Variants in MAP3K5 observed in about 807,000 individuals in gnomAD.
MAP3K5 encodes the protein mitogen-activated protein kinase kinase kinase 5.
In MAP3K5, 56 loss-of-function variants were observed where a neutral mutation model predicts 158.7. That is an observed-to-expected ratio of 0.35 (90% confidence interval 0.28 to 0.44). The LOEUF (loss-of-function observed/expected upper bound fraction) is 0.44, where lower values mean the gene tolerates loss of function less well. Among genes scored for constraint, MAP3K5 ranks in the 20% least tolerant of loss-of-function variants. MAP3K5 has a pLI of 1.00. For missense variants in MAP3K5, 1,294 were observed against 1,674.8 expected, an observed-to-expected ratio of 0.77 and a Z score of 3.97; for synonymous variants, 579 against 601.7, an observed-to-expected ratio of 0.96 and a Z score of 0.55.
rs1037101700 is a variant in MAP3K5 at position 136,788,786 on chromosome 6, T to C, written c.448+2924A>G. ...CGAGGCTGCAGAGAAAAGGGAACAC[T>C]TACACACTGTTGGTGAGAATGTAAA... On this transcript the variant is annotated intron_variant, in intron 1 of 29. Transcript: ENST00000359015. Among the ~76,000 whole-genome samples, 15 of 152,194 alleles carry C rather than the reference T, an allele frequency of 9.9e-5. 1 individual carries two copies. The highest frequency in any genetic ancestry group is 1.5e-5 in the Non-Finnish European group (1 of 68,048).
Position 136,592,589 on chromosome 6 carries a change from C to T in MAP3K5, c.2904G>A (p.Pro968=), listed in dbSNP as rs749467328. The T allele has an allele frequency of 1.2e-5, 20 of 1,613,574 alleles. No individual in the cohort carries two copies. Among genetic ancestry groups the T allele is most frequent in the East Asian group, 8.9e-5 (4 of 44,860 alleles). Residue 968 remains proline (P), a synonymous_variant, in exon 22 of 30, where the codon CCG becomes CCA. Transcript: ENST00000359015. ...TGGTGTCCTCCACCAGCACAGGTAC[C>T]GGCAAGGATATACTCCTGAGATATT... The part of the protein sequence containing the change: ...SNEYLRSISL[P]VPVLVEDTSS...
Position 136,622,947 on chromosome 6 carries a change from ACT to A in MAP3K5, c.2049_2050del (p.Arg683SerfsTer26). ...CCCATAAGTGCCTTTTCCTAAAACGACTCTGTCACCATTTTCATCATATTCAT... is the reference window on the plus strand; with the variant it reads ...CCCATAAGTGCCTTTTCCTAAAACGACTGTCACCATTTTCATCATATTCAT... On this transcript the variant is annotated frameshift_variant, in exon 15 of 30. Transcript: ENST00000359015. LOFTEE classifies it high-confidence loss of function. 6.2e-7 allele frequency: 1 copy of A among 1,613,900 alleles called. No individual in the cohort carries two copies. The highest frequency in any genetic ancestry group is 8.5e-7 in the Non-Finnish European group (1 of 1,179,874).
At chr6:136,747,925 A>G (rs1156684036) in intron 1 of MAP3K5, among the ~76,000 whole-genome samples, 1 of 152,236 alleles carries the variant, frequency 6.6e-6, no homozygotes, top group Non-Finnish European at 1.5e-5. Flanking sequence ...ACTTTAGCCA[A>G]CAGGGAAAAT....
intron 26 of MAP3K5, 78 bp from the exon 27 acceptor site, chr6:136,562,693 A>G (rs1830569508): frequency 2.8e-6 from 2 of 717,694 alleles, no homozygotes; most frequent in Non-Finnish European, 4.6e-6. Flanking sequence ...TTTTTTAGAT[A>G]CAAGGTCTCT....
rs562738828 is a variant in MAP3K5, at chr6:136,709,192, CCTGA to C, written c.589-4063_589-4060del. Among the ~76,000 whole-genome samples the C allele has an allele frequency of 1.8e-3, 272 of 152,278 alleles. 3 individuals are homozygous for C. The highest frequency in any genetic ancestry group is 6.1e-3 in the African/African-American group (254 of 41,538). ...CCATGTATTTTATTCATATTTGTAT[CCTGA>C]CTGACTGTCTAGCAAATGTCATGAC... On this transcript the variant is annotated intron_variant, in intron 2 of 29. Coordinates refer to ENST00000359015, the MANE Select transcript of MAP3K5 (RefSeq NM_005923.4).
rs1428622156 is a variant in MAP3K5, at chr6:136,558,855, G to T, written c.4009C>A (p.Leu1337Ile). Residue 1337 changes from leucine (L) to isoleucine (I), a missense_variant, in exon 29 of 30, where the codon CTA becomes ATA. Coordinates refer to ENST00000359015, the MANE Select transcript of MAP3K5 (RefSeq NM_005923.4). ...ISRFLAEDYT[L>I]LDVLYYVTRD... is the part of the protein sequence containing the mutation. ...GTAACATAGTAGAGAACATCCAATAGTGTATAATCTTCAGCCAAAAACTGT... is the reference window on the plus strand; with the variant it reads ...GTAACATAGTAGAGAACATCCAATATTGTATAATCTTCAGCCAAAAACTGT... The T allele has an allele frequency of 1.9e-6, 3 of 1,599,824 alleles. No individual in the cohort carries two copies. The highest frequency in any genetic ancestry group is 2.6e-6 in the Non-Finnish European group (3 of 1,168,148).
chr6:136,557,915 T>C, intron 29 of MAP3K5, 97 bp from the exon 30 acceptor site: 1 of 817,852 alleles, frequency 1.2e-6, no homozygotes, highest in Non-Finnish European at 2.2e-6. Context: ...TCTGCTCTGG[T>C]CAGAAGAAGA....
intron 25 of MAP3K5, among the ~76,000 whole-genome samples, chr6:136,575,490 T>G (rs1270901428): frequency 6.6e-6 from 1 of 152,218 alleles, no homozygotes; most frequent in African/African-American, 2.4e-5. Context: ...AACTAATCTA[T>G]GGACATTATT....
At chr6:136,659,414 C>A (rs1466211026) in intron 8 of MAP3K5, 36 bp from the exon 9 acceptor site, 2 of 1,595,008 alleles carry the variant, frequency 1.3e-6, no homozygotes, top group Non-Finnish European at 1.7e-6. Context: ...GTTACAAATG[C>A]ACCCCACACA....
intron 11 of MAP3K5, among the ~76,000 whole-genome samples, chr6:136,644,104 G>A (rs947058236): frequency 1.3e-5 from 2 of 152,176 alleles, no homozygotes; most frequent in Non-Finnish European, 2.9e-5. Context: ...TAACAAGACA[G>A]CACTGGTAAA....
chr6:136,626,932 C>T (rs143559570), intron 14 of MAP3K5, among the ~76,000 whole-genome samples: 1 of 152,188 alleles, frequency 6.6e-6, no homozygotes, highest in Non-Finnish European at 1.5e-5. Flanking sequence ...TTGTGAGATT[C>T]CAGATTTTGT....
intron 23 of MAP3K5, among the ~76,000 whole-genome samples, chr6:136,585,469 T>TTTTCTTTTCTCTTTCTTTCTTTCTTTC (rs35799129): frequency 7.6e-6 from 1 of 131,426 alleles, no homozygotes; most frequent in East Asian, 2.5e-4. Context: ...CTTTCTTTTC[T>TTTTCTTTTCTCTTTCTTTCTTTCTTTC]TTTCTTTATT....
upstream of MAP3K5, among the ~76,000 whole-genome samples, chr6:136,792,761 T>TGCCTG (rs142094809): frequency 2.0e-5 from 3 of 152,292 alleles, no homozygotes; most frequent in East Asian, 5.8e-4. The surrounding 1 kb of genome is among the most constrained non-coding windows in gnomAD (Gnocchi z 5.7). Flanking sequence ...TCCTCCTCCT[T>TGCCTG]GCCTGGCCTC....
At chr6:136,694,358 T>C (rs770552742) in intron 6 of MAP3K5, 48 bp from the exon 7 acceptor site, 4 of 1,438,740 alleles carry the variant, frequency 2.8e-6, no homozygotes, top group Non-Finnish European at 3.8e-6. Flanking sequence ...AGAAGCAATA[T>C]AGATCAATTC....
chr6:136,622,516 C>T (rs768323551), intron 15 of MAP3K5, among the ~76,000 whole-genome samples: 11 of 152,162 alleles, frequency 7.2e-5, no homozygotes, highest in Non-Finnish European at 1.3e-4. Context: ...CTCACATGCC[C>T]GACTGGAACC....
At position 136,769,775 on chromosome 6, in the gene MAP3K5, GGAAGGAAGGA is replaced by G. The variant is rs1784109306; in HGVS notation, c.448+21925_448+21934del. On this transcript the variant is annotated intron_variant, in intron 1 of 29. Transcript: ENST00000359015. Reference sequence around the variant, plus strand: ...AGGAAGGAAGGAAGGAAGGAAGGAAGGAAGGAAGGAAGGAAGGAAGGGAGGGAGGGAGGGA... The same window carrying G: ...AGGAAGGAAGGAAGGAAGGAAGGAAGAGGAAGGAAGGGAGGGAGGGAGGGA... Among the ~76,000 whole-genome samples, 442 of 45,274 alleles carry G rather than the reference GGAAGGAAGGA, an allele frequency of 9.8e-3. 31 individuals are homozygous for G. The highest frequency in any genetic ancestry group is 0.046 in the African/African-American group (407 of 8,804). 29.7% of individuals were successfully genotyped at this position (45,274 alleles called of 152,430 possible).
chr6:136,726,084 G>A (rs1458040586), intron 1 of MAP3K5, among the ~76,000 whole-genome samples: 1 of 152,152 alleles, frequency 6.6e-6, no homozygotes, highest in African/African-American at 2.4e-5. Flanking sequence ...ACTAAAATCA[G>A]GTAGGTCAAC....
intron 1 of MAP3K5, among the ~76,000 whole-genome samples, chr6:136,742,440 AC>A (rs1480827050): frequency 4.6e-5 from 7 of 152,046 alleles, no homozygotes; most frequent in African/African-American, 1.7e-4. Flanking sequence ...GAAAAAAAAA[AC>A]AAAAAACAAA....
At chr6:136,786,756 G>T (rs973820375) in intron 1 of MAP3K5, among the ~76,000 whole-genome samples, 2 of 149,320 alleles carry the variant, frequency 1.3e-5, no homozygotes, top group Admixed American at 6.7e-5. Flanking sequence ...AGTACACAAA[G>T]ATTGGGAAAG....
Sources: allele counts gnomAD v4.1 joint callset (sites outside exome capture counted in the v4.1 genomes callset), GRCh38; gene constraint gnomAD v4.1.1; non-coding constraint Gnocchi (gnomAD v3.1); transcripts MANE v1.5; gene names NCBI Gene and HGNC (gene_info 2026-07-23, HGNC 2026-07-21).